Variants in PPP1R12B observed in about 807,000 individuals in gnomAD.
PPP1R12B encodes the protein protein phosphatase 1 regulatory subunit 12B.
PPP1R12B carries 76 observed loss-of-function variants against 126.1 expected under a neutral mutation model. The observed-to-expected ratio is 0.60, with a 90% confidence interval of 0.50 to 0.73. The LOEUF is 0.73. PPP1R12B is among the 30% of genes least tolerant of loss of function. PPP1R12B has a pLI of 0.00. For missense variants in PPP1R12B, 1,052 were observed against 1,205.1 expected (o/e 0.87, Z 1.88); for synonymous variants, 356 against 434.7 (o/e 0.82, Z 2.25).
At chr1:202,481,884 C>T (rs1090610) in intron 13 of PPP1R12B, among the ~76,000 whole-genome samples, 5,315 of 152,156 alleles carry the variant, frequency 0.035, 257 homozygotes, top group African/African-American at 0.11. Context: ...CTTCTCTCAC[C>T]TCTTCCCTCC....
chr1:202,357,845 T>G (rs954128614), intron 1 of PPP1R12B, among the ~76,000 whole-genome samples: 2 of 152,198 alleles, frequency 1.3e-5, no homozygotes, highest in Non-Finnish European at 2.9e-5. Flanking sequence ...TTACTTTTAC[T>G]TAGCAGTAGA....
Position 202,439,088 on chromosome 1 carries a change from T to C in PPP1R12B, c.1458+1064T>C, listed in dbSNP as rs1384704436. The C allele has an allele frequency of 8.9e-5, 131 of 1,475,816 alleles. No homozygotes were observed. In the African/African-American group the frequency reaches 1.5e-3, roughly 17 times the overall value. The allele number at this position is 1,475,816 out of a possible 1,614,324, so 91.4% of individuals were successfully genotyped here. A position where few individuals can be genotyped will look rare whatever the true frequency, so the allele number is the denominator to read the frequency against. ...TGACCTTGCCATCAAGACCATCACC[T>C]CCAGCGCCAAAGTGGACATGACGTT... On this transcript the variant is annotated intron_variant, in intron 10 of 23. Coordinates refer to ENST00000608999, the MANE Select transcript of PPP1R12B (RefSeq NM_002481.4).
chr1:202,395,114 C>CAA (rs71142529), intron 1 of PPP1R12B, among the ~76,000 whole-genome samples: 1,326 of 96,814 alleles, frequency 0.014, 34 homozygotes, highest in African/African-American at 0.021. Flanking sequence ...GAGACTCTCT[C>CAA]AAAAAAAAAA....
intron 13 of PPP1R12B, among the ~76,000 whole-genome samples, chr1:202,479,707 C>T (rs1313212176): frequency 6.6e-6 from 1 of 152,172 alleles, no homozygotes; most frequent in Non-Finnish European, 1.5e-5. Context: ...AGGTACTTTG[C>T]CTTAGTCTCC....
At chr1:202,370,924 A>G (rs1660116475) in intron 1 of PPP1R12B, among the ~76,000 whole-genome samples, 1 of 151,838 alleles carries the variant, frequency 6.6e-6, no homozygotes, top group African/African-American at 2.4e-5. Context: ...AATGAATTAG[A>G]ATTCTGTTTG....
chr1:202,567,486 GGAGAGAGA>G (rs149322103), intron 21 of PPP1R12B: 28 of 352,988 alleles, frequency 7.9e-5, no homozygotes, highest in Admixed American at 4.0e-4. Context: ...GAAGACCTGT[GGAGAGAGA>G]GAGAGAGAGA....
rs112252061 is a variant in PPP1R12B at position 202,440,617 on chromosome 1, G to A, written c.1459-89G>A. 203 of 870,656 alleles carry A rather than the reference G, an allele frequency of 2.3e-4. No individual in the cohort carries two copies. The African/African-American group carries it at 2.4e-3, about 10-fold the overall frequency. 53.9% of individuals were successfully genotyped at this position (870,656 alleles called of 1,614,324 possible). On this transcript the variant is annotated intron_variant, in intron 10 of 23. Coordinates refer to ENST00000608999, the MANE Select transcript of PPP1R12B (RefSeq NM_002481.4). ...TGGATCCAGAAATAAGATGATATAG[G>A]TATATTAAGTTCTGCTTTTTTACTC...
chr1:202,412,151 C>T (rs6674054), intron 1 of PPP1R12B, among the ~76,000 whole-genome samples: 2,931 of 152,170 alleles, frequency 0.019, 106 homozygotes, highest in African/African-American at 0.066. Flanking sequence ...AGTGTCATTC[C>T]CGTAAAATTT....
intron 1 of PPP1R12B, among the ~76,000 whole-genome samples, chr1:202,401,238 G>A (rs1158005446): frequency 1.3e-5 from 2 of 151,514 alleles, no homozygotes; most frequent in Non-Finnish European, 2.9e-5. Context: ...CACCTACGCT[G>A]GAGTATAATG....
In PPP1R12B at chr1:202,579,203, C is replaced by T. The variant is rs111705291; in HGVS notation, c.2863-1271C>T. 4.9e-3 allele frequency among the ~76,000 whole-genome samples: 744 copies of T among 152,210 alleles called. 4 individuals are homozygous for T. The highest frequency in any genetic ancestry group is 0.017 in the African/African-American group (709 of 41,532). On this transcript the variant is annotated intron_variant, in intron 23 of 23. Coordinates refer to ENST00000608999, the MANE Select transcript of PPP1R12B (RefSeq NM_002481.4). ...TACACATATATTTATATAATTTAAC[C>T]TATATCTTCTCTGAGAGATCAAGGA... is the stretch of plus-strand genomic sequence containing the variant.
chr1:202,513,743 G>A (rs1681801325), intron 18 of PPP1R12B, among the ~76,000 whole-genome samples: 1 of 152,184 alleles, frequency 6.6e-6, no homozygotes, highest in Non-Finnish European at 1.5e-5. Flanking sequence ...GCAAAGGCAA[G>A]CAAAAGGAGC....
chr1:202,375,852 T>G (rs546019430), intron 1 of PPP1R12B, among the ~76,000 whole-genome samples: 1 of 152,346 alleles, frequency 6.6e-6, no homozygotes, highest in African/African-American at 2.4e-5. Flanking sequence ...GCCCCCACTT[T>G]GTTTCTTATA....
intron 9 of PPP1R12B, among the ~76,000 whole-genome samples, chr1:202,435,873 G>A (rs537647580): frequency 6.1e-4 from 93 of 152,310 alleles, no homozygotes; most frequent in African/African-American, 2.0e-3. Flanking sequence ...TTGAATAAAT[G>A]TAATTCTCAC....
chr1:202,404,153 A>G (rs897667258), intron 1 of PPP1R12B, among the ~76,000 whole-genome samples: 5 of 152,152 alleles, frequency 3.3e-5, no homozygotes, highest in African/African-American at 1.2e-4. Flanking sequence ...TGTCTTCAGG[A>G]TAAAGGTGAG....
rs1671497066 is a variant in PPP1R12B at position 202,440,743 on chromosome 1, C to T, written c.1496C>T (p.Pro499Leu). The T allele has an allele frequency of 6.2e-7, 1 of 1,613,652 alleles. No homozygotes were observed. The highest frequency in any genetic ancestry group is 1.7e-5 in the Admixed American group (1 of 59,960). ...AAAAGCTATATTAGTTCACTAGCAC[C>T]CCGGAAGCTCAACAGCACAAGTGAT... ...ENKSYISSLA[P>L]RKLNSTSDIE... Residue 499 changes from proline (P) to leucine (L), a missense_variant, in exon 11 of 24, where the codon CCC becomes CTC. Pro to Leu is a moderately conservative substitution (Grantham distance 98, BLOSUM62 -3). Transcript: ENST00000608999.
At chr1:202,473,355 T>C (rs762038604) in intron 13 of PPP1R12B, among the ~76,000 whole-genome samples, 47 of 152,252 alleles carry the variant, frequency 3.1e-4, no homozygotes, top group Non-Finnish European at 2.6e-4. Context: ...ATAGCAGATA[T>C]GAAATTTGTT....
intron 23 of PPP1R12B, among the ~76,000 whole-genome samples, chr1:202,574,331 G>A (rs1025541569): frequency 2.0e-5 from 3 of 152,096 alleles, no homozygotes; most frequent in Admixed American, 6.5e-5. Flanking sequence ...GCTACATAGC[G>A]AAATCCTGTC....
intron 18 of PPP1R12B, among the ~76,000 whole-genome samples, chr1:202,546,624 G>C (rs148396387): frequency 6.6e-6 from 1 of 151,916 alleles, no homozygotes; most frequent in South Asian, 2.1e-4. Flanking sequence ...AAAAAATAGT[G>C]TGACAAAATT....
intron 18 of PPP1R12B, among the ~76,000 whole-genome samples, chr1:202,515,053 A>C (rs377188699): frequency 3.3e-5 from 5 of 152,228 alleles, no homozygotes; most frequent in Non-Finnish European, 7.3e-5. Flanking sequence ...CAGAAAACCA[A>C]ATACCACATG....
Sources: allele counts gnomAD v4.1 joint callset (sites outside exome capture counted in the v4.1 genomes callset), GRCh38; gene constraint gnomAD v4.1.1; transcripts MANE v1.5; gene names NCBI Gene and HGNC (gene_info 2026-07-23, HGNC 2026-07-21).